The following KIF13A variants were observed in gnomAD, a reference collection of about 807,000 sequenced individuals.
KIF13A encodes kinesin family member 13A.
A neutral mutation model predicts 212.2 loss-of-function variants in KIF13A; 79 were observed. That is an observed-to-expected ratio of 0.37 (90% confidence interval 0.31 to 0.45). KIF13A has a LOEUF of 0.45. Ranked by LOEUF, KIF13A falls within the 20% of genes least tolerant of loss-of-function variation. The pLI is 1.00. For missense variants in KIF13A, 1,901 were observed against 2,209.0 expected (o/e 0.86, Z 2.79); for synonymous variants, 789 against 808.6 (o/e 0.98, Z 0.41).
At chr6:17,960,535 C>T (rs1243498701) in intron 2 of KIF13A, among the ~76,000 whole-genome samples, 1 of 152,014 alleles carries the variant, frequency 6.6e-6, no homozygotes, top group African/African-American at 2.4e-5. Flanking sequence ...GGGGTAATAA[C>T]CTTCAATACT....
At position 17,825,991 on chromosome 6, in the gene KIF13A, C is replaced by T; in HGVS notation, c.1619+47G>A. The T allele has an allele frequency of 6.2e-7, 1 of 1,609,962 alleles. No homozygotes were observed. The highest frequency in any genetic ancestry group is 2.2e-5 in the East Asian group (1 of 44,866). ...ACTTGTTTTACACTTAAATAGATAA[C>T]AGAAAAAATGTATACGAAAATATAT... On this transcript the variant is annotated intron_variant, in intron 15 of 38. Transcript: ENST00000259711. The surrounding 1 kb of genome is among the most constrained non-coding windows in gnomAD (Gnocchi z 4.5).
intron 23 of KIF13A, among the ~76,000 whole-genome samples, chr6:17,795,457 T>C (rs576899968): frequency 1.3e-5 from 2 of 151,174 alleles, no homozygotes; most frequent in Non-Finnish European, 2.9e-5. Flanking sequence ...TATCCGGGCA[T>C]GGCAGCACAC....
intron 2 of KIF13A, among the ~76,000 whole-genome samples, chr6:17,975,106 G>GA (rs1554126229): frequency 1.3e-5 from 2 of 152,294 alleles, no homozygotes; most frequent in East Asian, 3.9e-4. Context: ...AACTTTGAGA[G>GA]AAAGAGGAGG....
chr6:17,823,847 C>T (rs1474298238), intron 16 of KIF13A, among the ~76,000 whole-genome samples: 1 of 151,988 alleles, frequency 6.6e-6, no homozygotes, highest in East Asian at 1.9e-4. Context: ...AAGCTATCTT[C>T]CCGTCTCGGC....
chr6:17,787,652 AAAC>A lies in KIF13A; in HGVS notation c.3361+121_3361+123del, dbSNP rs368112451. The A allele has an allele frequency of 0.017, 9,566 of 568,644 alleles. 655 individuals are homozygous for A. The highest frequency in any genetic ancestry group is 0.16 in the African/African-American group (8,223 of 50,586). The allele number at this position is 568,644 out of a possible 1,614,324, so 35.2% of individuals were successfully genotyped here. ...GGTGACAGAGTGAGACCCTGTCTTA[AAAC>A]AACAACAACAACAACAACAAAAATA... On this transcript the variant is annotated intron_variant, in intron 27 of 38. Transcript: ENST00000259711. This position sits in a 1 kb window ranked among gnomAD's most constrained non-coding sequence, Gnocchi z 4.6.
intron 6 of KIF13A, among the ~76,000 whole-genome samples, chr6:17,853,480 T>C (rs1007188676): frequency 6.6e-6 from 1 of 152,128 alleles, no homozygotes; most frequent in Non-Finnish European, 1.5e-5. Flanking sequence ...TGACTTACAA[T>C]TCCACCCCTA....
At chr6:17,932,293 T>C (rs1776049564) in intron 2 of KIF13A, among the ~76,000 whole-genome samples, 2 of 152,212 alleles carry the variant, frequency 1.3e-5, no homozygotes, top group African/African-American at 4.8e-5. Context: ...AATACTGTAT[T>C]GTATGCCCGA....
At chr6:17,817,555 T>A (rs557322712) in intron 16 of KIF13A, among the ~76,000 whole-genome samples, 1 of 152,210 alleles carries the variant, frequency 6.6e-6, no homozygotes, top group Non-Finnish European at 1.5e-5. Flanking sequence ...TGTGATCTTA[T>A]CCACTGGGAA....
intron 3 of KIF13A, among the ~76,000 whole-genome samples, chr6:17,884,247 C>T (rs1381606449): frequency 6.6e-6 from 1 of 152,196 alleles, no homozygotes; most frequent in East Asian, 1.9e-4. Context: ...ATTGTGGTAA[C>T]ATAAATGGAA....
At chr6:17,911,697 T>A (rs1325137056) in intron 2 of KIF13A, among the ~76,000 whole-genome samples, 1 of 135,178 alleles carries the variant, frequency 7.4e-6, no homozygotes, top group African/African-American at 2.8e-5. Flanking sequence ...GTTAATGGGT[T>A]AAAAAAAAAA....
At chr6:17,819,218 C>G (rs1282333832) in intron 16 of KIF13A, among the ~76,000 whole-genome samples, 2 of 151,990 alleles carry the variant, frequency 1.3e-5, no homozygotes, top group East Asian at 3.9e-4. Context: ...CCAGGATGGT[C>G]TCGATCTCCT....
intron 3 of KIF13A, among the ~76,000 whole-genome samples, chr6:17,874,798 C>T (rs79177785): frequency 0.02 from 3,084 of 151,838 alleles, 45 homozygotes; most frequent in Non-Finnish European, 0.033. Flanking sequence ...CCCCAAACTC[C>T]CCTGTATCAT....
intron 28 of KIF13A, among the ~76,000 whole-genome samples, chr6:17,784,281 G>A (rs928530853): frequency 1.3e-5 from 2 of 152,116 alleles, no homozygotes; most frequent in African/African-American, 4.8e-5. Flanking sequence ...AACACTAGCT[G>A]GGTGTGGTGG....
At chr6:17,922,600 G>C (rs1775169680) in intron 2 of KIF13A, among the ~76,000 whole-genome samples, 1 of 84,254 alleles carries the variant, frequency 1.2e-5, no homozygotes, top group African/African-American at 5.0e-5. Context: ...ATAGTTAAAT[G>C]AAAAACTTAA....
chr6:17,805,707 G>A (rs533694367), intron 18 of KIF13A, 92 bp from the exon 19 acceptor site: 51 of 1,144,782 alleles, frequency 4.5e-5, no homozygotes, highest in Admixed American at 1.3e-4. Flanking sequence ...CAGTAAGTTT[G>A]CAAAACACAT....
At chr6:17,784,799 A>T (rs999666844) in intron 28 of KIF13A, among the ~76,000 whole-genome samples, 8 of 152,230 alleles carry the variant, frequency 5.3e-5, no homozygotes, top group African/African-American at 1.9e-4. Flanking sequence ...CAGGAACTGC[A>T]GGGAGAAACA....
chr6:17,951,496 A>T lies in KIF13A; in HGVS notation c.146+35558T>A, dbSNP rs956015430. 2 of 449,938 alleles carry T rather than the reference A, an allele frequency of 4.4e-6. No homozygotes were observed. Among genetic ancestry groups the T allele is most frequent in the African/African-American group, 4.1e-5 (2 of 49,366 alleles). 27.9% of individuals were successfully genotyped at this position (449,938 alleles called of 1,614,324 possible). On this transcript the variant is annotated intron_variant, in intron 2 of 38. Coordinates refer to ENST00000259711, the MANE Select transcript of KIF13A (RefSeq NM_022113.6). The surrounding 1 kb of genome is among the most constrained non-coding windows in gnomAD (Gnocchi z 4.9). ...TTATATACCATACAATTTACCCACTAAAAGTGTCCAATTCAGTGATTTTTA... is the reference window on the plus strand; with the variant it reads ...TTATATACCATACAATTTACCCACTTAAAGTGTCCAATTCAGTGATTTTTA...
Position 17,987,050 on chromosome 6 carries a change from T to C in KIF13A, c.146+4A>G, listed in dbSNP as rs1223503429. The C allele has an allele frequency of 6.2e-7, 1 of 1,612,064 alleles. No individual in the cohort carries two copies. The stretch of plus-strand genomic sequence containing the variant: ...CCCAGCCGCCCTCTCGGAACCCGCT[T>C]TACCTTTCTCCCTGTTTGGTGTTAG... On this transcript the variant is annotated splice_donor_region_variant and intron_variant, in intron 2 of 38. Transcript: ENST00000259711. This position sits in a 1 kb window ranked among gnomAD's most constrained non-coding sequence, Gnocchi z 7.7.
rs1055232073 is a variant in KIF13A, at chr6:17,900,996, T to C, written c.147-2816A>G. On this transcript the variant is annotated intron_variant, in intron 2 of 38. Coordinates refer to ENST00000259711, the MANE Select transcript of KIF13A (RefSeq NM_022113.6). This position sits in a 1 kb window ranked among gnomAD's most constrained non-coding sequence, Gnocchi z 4.6. ...GGGAGGCTGAGGCAGGAGAATGGCGTGAACCCAGGAGGCGGAGCTTGCAGT... is the reference window on the plus strand; with the variant it reads ...GGGAGGCTGAGGCAGGAGAATGGCGCGAACCCAGGAGGCGGAGCTTGCAGT... 1.4e-5 allele frequency among the ~76,000 whole-genome samples: 2 copies of C among 144,992 alleles called. No homozygotes were observed. The highest frequency in any genetic ancestry group is 5.1e-5 in the African/African-American group (2 of 38,866).
Sources: gnomAD v4.1 joint callset for allele counts (sites outside exome capture counted in the v4.1 genomes callset) on GRCh38, gnomAD v4.1.1 for gene constraint, Gnocchi (gnomAD v3.1) non-coding constraint, MANE v1.5 for transcripts, NCBI Gene and HGNC (gene_info 2026-07-23, HGNC 2026-07-21) for gene names.